The following TMEM132D variants were observed in gnomAD, a reference collection of about 807,000 sequenced individuals.
TMEM132D encodes transmembrane protein 132D.
TMEM132D carries 21 observed loss-of-function variants against 62.3 expected under a neutral mutation model. That is an observed-to-expected ratio of 0.34 (90% confidence interval 0.24 to 0.49). TMEM132D has a LOEUF of 0.49. TMEM132D is among the 20% of genes least tolerant of loss of function. The probability of loss-of-function intolerance (pLI) is 0.99; values close to 1 mark genes in which losing one functional copy is unlikely to be tolerated. For missense variants in TMEM132D, 1,346 were observed against 1,402.8 expected (o/e 0.96, Z 0.65); for synonymous variants, 621 against 575.6 (o/e 1.08, Z -1.13).
Position 129,583,478 on chromosome 12 carries a change from G to A in TMEM132D, c.969-52273C>T, listed in dbSNP as rs140663338. On this transcript the variant is annotated intron_variant, in intron 2 of 8. Transcript: ENST00000422113. ...AGAACTATACACCACAATGGGTGAC[G>A]TTGACTCTTTGTAAACTAAAATCTG... is the stretch of plus-strand genomic sequence containing the variant. Among the ~76,000 whole-genome samples the A allele has an allele frequency of 3.1e-3, 466 of 152,294 alleles. 2 individuals carry two copies. The highest frequency in any genetic ancestry group is 0.011 in the African/African-American group (440 of 41,566).
rs541667176 is a variant in TMEM132D, at chr12:129,391,408, G to C, written c.1116-53591C>G. ...TAACTGGAGTTCTAGAAGGGGAGAA[G>C]GCATGTGAAGAGGGACTGAGAGTTT... On this transcript the variant is annotated intron_variant, in intron 3 of 8. Transcript: ENST00000422113. Among the ~76,000 whole-genome samples, 44 of 152,276 alleles carry C rather than the reference G, an allele frequency of 2.9e-4. No individual in the cohort carries two copies. The South Asian group carries it at 9.1e-3, about 32-fold the overall frequency.
At chr12:129,876,224 T>G (rs900088051) in intron 1 of TMEM132D, among the ~76,000 whole-genome samples, 4 of 152,208 alleles carry the variant, frequency 2.6e-5, no homozygotes, top group Non-Finnish European at 5.9e-5. Context: ...TTATTTCCAT[T>G]CCAAATCCAA....
At chr12:129,806,460 G>A (rs1387558357) in intron 1 of TMEM132D, among the ~76,000 whole-genome samples, 10 of 133,044 alleles carry the variant, frequency 7.5e-5, no homozygotes, top group African/African-American at 1.4e-4. Flanking sequence ...ACCAAACACC[G>A]CATATTCTCA....
At chr12:129,228,246 C>A (rs189190823) in intron 4 of TMEM132D, among the ~76,000 whole-genome samples, 1 of 152,120 alleles carries the variant, frequency 6.6e-6, no homozygotes, top group South Asian at 2.1e-4. Flanking sequence ...GGTGCGGAAC[C>A]CACAGATTTT....
intron 3 of TMEM132D, among the ~76,000 whole-genome samples, chr12:129,514,278 T>A (rs951497309): frequency 6.6e-6 from 1 of 152,238 alleles, no homozygotes; most frequent in Non-Finnish European, 1.5e-5. Context: ...CTCCATTACA[T>A]CTTTTTCTTC....
At chr12:129,522,159 G>T (rs1875868300) in intron 3 of TMEM132D, among the ~76,000 whole-genome samples, 1 of 152,162 alleles carries the variant, frequency 6.6e-6, no homozygotes, top group South Asian at 2.1e-4. Flanking sequence ...ACCAAAGAAA[G>T]TTCTTACACT....
intron 3 of TMEM132D, among the ~76,000 whole-genome samples, chr12:129,437,642 T>C (rs1033195645): frequency 2.0e-5 from 3 of 152,160 alleles, no homozygotes; most frequent in Non-Finnish European, 1.5e-5. Flanking sequence ...GAAAAGTGTT[T>C]GGCAGTACTA....
At chr12:129,196,653 G>T (rs553811982) in intron 5 of TMEM132D, among the ~76,000 whole-genome samples, 1 of 152,228 alleles carries the variant, frequency 6.6e-6, no homozygotes, top group South Asian at 2.1e-4. Context: ...ACTAACCTAA[G>T]ATATAGGGTA....
At position 129,129,236 on chromosome 12, in the gene TMEM132D, G is replaced by A. The variant is rs187965743; in HGVS notation, c.1444-44534C>T. ...AGCTCCCCCTTATAAGTGAGAACAT[G>A]AAATATTTGGCTTTCTGATTCACTG... On this transcript the variant is annotated intron_variant, in intron 5 of 8. Coordinates refer to ENST00000422113, the MANE Select transcript of TMEM132D (RefSeq NM_133448.3). Among the ~76,000 whole-genome samples the A allele has an allele frequency of 1.9e-3, 289 of 151,180 alleles. 2 individuals carry two copies. The highest frequency in any genetic ancestry group is 6.7e-3 in the African/African-American group (275 of 41,240).
chr12:129,092,907 T>G (rs4964851), intron 5 of TMEM132D, among the ~76,000 whole-genome samples: 15 of 152,130 alleles, frequency 9.9e-5, no homozygotes, highest in Non-Finnish European at 1.9e-4. Flanking sequence ...CCTGCCACAC[T>G]GGGCTAATCA....
intron 4 of TMEM132D, among the ~76,000 whole-genome samples, chr12:129,219,342 C>G (rs1879292898): frequency 6.6e-6 from 1 of 152,174 alleles, no homozygotes; most frequent in Non-Finnish European, 1.5e-5. Context: ...GCTTCCCCAG[C>G]CATGTGGAAC....
At chr12:129,352,582 C>T (rs1455284952) in intron 3 of TMEM132D, among the ~76,000 whole-genome samples, 2 of 151,970 alleles carry the variant, frequency 1.3e-5, no homozygotes, top group African/African-American at 2.4e-5. Context: ...CAAACATCTC[C>T]ATCAAAAAAT....
intron 4 of TMEM132D, among the ~76,000 whole-genome samples, chr12:129,270,767 C>A (rs1406259835): frequency 6.6e-6 from 1 of 152,164 alleles, no homozygotes; most frequent in Non-Finnish European, 1.5e-5. Flanking sequence ...CTAAAGTGTT[C>A]CATTAACAAA....
chr12:129,228,817 C>A (rs1879554274), intron 4 of TMEM132D, among the ~76,000 whole-genome samples: 1 of 152,222 alleles, frequency 6.6e-6, no homozygotes, highest in Admixed American at 6.5e-5. Context: ...AGGACCGCAT[C>A]CCGCCCATGG....
chr12:129,877,104 A>C lies in TMEM132D; in HGVS notation c.79+26157T>G, dbSNP rs541369802. On this transcript the variant is annotated intron_variant, in intron 1 of 8. Transcript: ENST00000422113. Reference sequence around the variant, plus strand: ...CCAAAACAAGACACATTTTACAAAGAAACAACCTCCTTCAGATGTTATGAA... The same window carrying C: ...CCAAAACAAGACACATTTTACAAAGCAACAACCTCCTTCAGATGTTATGAA... Among the ~76,000 whole-genome samples, 54 of 152,080 alleles carry C rather than the reference A, an allele frequency of 3.6e-4. No homozygotes were observed. The South Asian group carries it at 0.011, about 30-fold the overall frequency.
chr12:129,539,307 C>G (rs573818122), intron 2 of TMEM132D, among the ~76,000 whole-genome samples: 1 of 151,682 alleles, frequency 6.6e-6, no homozygotes, highest in East Asian at 1.9e-4. Flanking sequence ...CCTCGGCTCA[C>G]TGCAACCTCT....
intron 1 of TMEM132D, among the ~76,000 whole-genome samples, chr12:129,738,068 C>T (rs369321275): frequency 1.3e-5 from 2 of 152,238 alleles, no homozygotes; most frequent in Admixed American, 1.3e-4. Context: ...TTGGCCATTA[C>T]TGAACAAGCT....
At chr12:129,719,417 A>T (rs80015678) in intron 1 of TMEM132D, among the ~76,000 whole-genome samples, 447 of 152,354 alleles carry the variant, frequency 2.9e-3, no homozygotes, top group Non-Finnish European at 5.3e-3. Context: ...TAAATACAAC[A>T]GAACTAGAGG....
At chr12:129,685,628 G>C (rs936554654) in intron 2 of TMEM132D, among the ~76,000 whole-genome samples, 1 of 152,156 alleles carries the variant, frequency 6.6e-6, no homozygotes, top group Non-Finnish European at 1.5e-5. Context: ...AGTCCCCACT[G>C]GGGTACTGCC....
Sources: gnomAD v4.1 joint callset for allele counts (sites outside exome capture counted in the v4.1 genomes callset) on GRCh38, gnomAD v4.1.1 for gene constraint, MANE v1.5 for transcripts, NCBI Gene and HGNC (gene_info 2026-07-23, HGNC 2026-07-21) for gene names.